The following DNAH11 variants were observed in gnomAD, a reference collection of about 807,000 sequenced individuals.
The protein encoded by DNAH11 is axonemal beta dynein heavy chain 11.
DNAH11 carries 442 observed loss-of-function variants against 526.0 expected under a neutral mutation model. The ratio of observed to expected loss-of-function variants is 0.84; its 90% CI spans 0.78 to 0.91. DNAH11 has a LOEUF of 0.91. Among genes scored for constraint, DNAH11 ranks in the 40% least tolerant of loss-of-function variants. The pLI is 0.00. For missense variants in DNAH11, 6,989 were observed against 5,448.7 expected, an observed-to-expected ratio of 1.28 and a Z score of -8.90; for synonymous variants, 2,461 against 1,935.9, an observed-to-expected ratio of 1.27 and a Z score of -7.12.
intron 45 of DNAH11, among the ~76,000 whole-genome samples, chr7:21,728,968 G>A (rs1785259134): frequency 6.6e-6 from 1 of 152,262 alleles, no homozygotes; most frequent in Admixed American, 6.5e-5. Flanking sequence ...ATTGCCCTTG[G>A]GGGCAGCAGC....
chr7:21,817,519 C>CAA (rs10532841), intron 64 of DNAH11, among the ~76,000 whole-genome samples: 4 of 86,428 alleles, frequency 4.6e-5, no homozygotes, highest in Admixed American at 1.3e-4. Flanking sequence ...CCATCTCTAC[C>CAA]AAAAAAAAAA....
chr7:21,675,740 A>G (rs1268357409), intron 30 of DNAH11, among the ~76,000 whole-genome samples: 1 of 152,222 alleles, frequency 6.6e-6, no homozygotes, highest in South Asian at 2.1e-4. Context: ...TATGCTAAGC[A>G]TGAGAACATA....
intron 62 of DNAH11, among the ~76,000 whole-genome samples, chr7:21,802,057 G>A (rs2127993747): frequency 6.6e-6 from 1 of 152,320 alleles, no homozygotes; most frequent in South Asian, 2.1e-4. Flanking sequence ...CTAAAACAGG[G>A]ATGTGGATAA....
chr7:21,751,578 A>G (rs1583658608), intron 54 of DNAH11, among the ~76,000 whole-genome samples: 1 of 152,134 alleles, frequency 6.6e-6, no homozygotes, highest in African/African-American at 2.4e-5. Flanking sequence ...GTTGCTTCTC[A>G]TATTGTTATG....
chr7:21,894,549 G>C, intron 77 of DNAH11, 74 bp from the exon 78 acceptor site: 1 of 1,450,156 alleles, frequency 6.9e-7, no homozygotes, highest in Non-Finnish European at 9.5e-7. Flanking sequence ...ACTTCAAAAA[G>C]TAGAGGATAT....
chr7:21,763,076 G>A (rs1443270413), intron 54 of DNAH11, among the ~76,000 whole-genome samples: 1 of 152,128 alleles, frequency 6.6e-6, no homozygotes, highest in Non-Finnish European at 1.5e-5. Flanking sequence ...AGGTGCGGTG[G>A]CTCACGCCTG....
intron 75 of DNAH11, among the ~76,000 whole-genome samples, chr7:21,882,256 G>A (rs1783950804): frequency 6.6e-6 from 1 of 152,122 alleles, no homozygotes; most frequent in Non-Finnish European, 1.5e-5. Context: ...AACACCAGTT[G>A]ACCAACCGAG....
intron 65 of DNAH11, among the ~76,000 whole-genome samples, chr7:21,822,519 C>A (rs144567674): frequency 5.6e-4 from 86 of 152,294 alleles, no homozygotes; most frequent in Middle Eastern, 3.4e-3. Context: ...AACTGTATCA[C>A]AATTCACCCA....
chr7:21,804,276 T>G (rs948703127), intron 62 of DNAH11, among the ~76,000 whole-genome samples: 2 of 151,926 alleles, frequency 1.3e-5, no homozygotes, highest in African/African-American at 2.4e-5. Flanking sequence ...ATCCGGCTAA[T>G]TTTTTTGTAT....
At chr7:21,698,283 A>C in intron 36 of DNAH11, 70 bp downstream of exon 36, 2 of 1,578,506 alleles carry the variant, frequency 1.3e-6, no homozygotes, top group Admixed American at 2.0e-5. Flanking sequence ...TATGGATTTT[A>C]GGTAATTTAT....
intron 72 of DNAH11, 94 bp from the exon 73 acceptor site, chr7:21,868,770 G>C (rs1420007333): frequency 4.0e-6 from 6 of 1,482,282 alleles, no homozygotes; most frequent in Non-Finnish European, 5.5e-6. Flanking sequence ...AGATGGCTGC[G>C]GTGACCACAG....
intron 46 of DNAH11, among the ~76,000 whole-genome samples, chr7:21,736,182 G>A (rs1273436504): frequency 6.6e-6 from 1 of 152,152 alleles, no homozygotes; most frequent in Non-Finnish European, 1.5e-5. Context: ...GGATGTTCTG[G>A]TTACTTTTTC....
rs187917742 is a variant in DNAH11 at position 21,750,144 on chromosome 7, A to G, written c.8798-78A>G. ...TATGCTGAACTTTGTCTTGTAAAAC[A>G]TTTCAAACGTTTAAAAGTTATATGT... On this transcript the variant is annotated intron_variant, in intron 53 of 81. Coordinates refer to ENST00000409508, the MANE Select transcript of DNAH11 (RefSeq NM_001277115.2). 4.3e-4 allele frequency: 624 copies of G among 1,459,288 alleles called. 2 individuals carry two copies. In the African/African-American group the frequency reaches 8.2e-3, roughly 19 times the overall value. The allele number at this position is 1,459,288 out of a possible 1,614,324, so 90.4% of individuals were successfully genotyped here.
chr7:21,749,645 T>TA lies in DNAH11; in HGVS notation c.8674-31dup, dbSNP rs143495014. On this transcript the variant is annotated intron_variant, in intron 52 of 81. Coordinates refer to ENST00000409508, the MANE Select transcript of DNAH11 (RefSeq NM_001277115.2). ...ACCTCTCAACGCCGCATCAGCATTT[T>TA]AACAAAACATGAGTGATGGCCTTTC... 5.1e-4 allele frequency: 829 copies of TA among 1,612,206 alleles called. 6 individuals carry two copies. The African/African-American group carries it at 0.01, about 20-fold the overall frequency.
intron 61 of DNAH11, among the ~76,000 whole-genome samples, chr7:21,798,415 C>T (rs141038926): frequency 2.0e-5 from 3 of 152,296 alleles, no homozygotes; most frequent in Non-Finnish European, 4.4e-5. Flanking sequence ...CATTTTTAAA[C>T]TCGAAGATGG....
chr7:21,866,846 G>T (rs1021551722), intron 71 of DNAH11, among the ~76,000 whole-genome samples, 183 bp downstream of exon 71: 1 of 152,128 alleles, frequency 6.6e-6, no homozygotes, highest in Non-Finnish European at 1.5e-5. Context: ...CCATGTGCTA[G>T]GCAGACTCAG....
chr7:21,746,880 A>C (rs1252651976), intron 51 of DNAH11, among the ~76,000 whole-genome samples: 2 of 152,164 alleles, frequency 1.3e-5, no homozygotes, highest in African/African-American at 2.4e-5. Flanking sequence ...GTTAATATAC[A>C]GTCATTGTGT....
chr7:21,641,806 A>G (rs888278897), intron 28 of DNAH11, among the ~76,000 whole-genome samples: 20 of 152,352 alleles, frequency 1.3e-4, no homozygotes, highest in African/African-American at 4.6e-4. Flanking sequence ...CCCCATTCAT[A>G]GCATTTTAAC....
chr7:21,555,166 C>T (rs1165113776), intron 2 of DNAH11, among the ~76,000 whole-genome samples: 1 of 152,196 alleles, frequency 6.6e-6, no homozygotes, highest in East Asian at 1.9e-4. Context: ...GGGGTTTTAT[C>T]ATTCACATAG....
Sources: allele counts gnomAD v4.1 joint callset (sites outside exome capture counted in the v4.1 genomes callset), GRCh38; gene constraint gnomAD v4.1.1; transcripts MANE v1.5; gene names NCBI Gene and HGNC (gene_info 2026-07-23, HGNC 2026-07-21).